KCNK5: variants seen among roughly 807,000 people sequenced by gnomAD.
KCNK5 encodes potassium two pore domain channel subfamily K member 5.
Under a neutral mutation model 32.9 loss-of-function variants are expected in KCNK5, and 18 were observed. The ratio of observed to expected loss-of-function variants is 0.55; its 90% CI spans 0.38 to 0.81. The LOEUF (loss-of-function observed/expected upper bound fraction) is 0.81, where lower values mean the gene tolerates loss of function less well. KCNK5 is among the 30% of genes least tolerant of loss of function. The pLI is 0.00. For missense variants in KCNK5, 507 were observed against 651.0 expected (o/e 0.78, Z 2.41); for synonymous variants, 276 against 275.3 (o/e 1.00, Z -0.03).
intron 1 of KCNK5, among the ~76,000 whole-genome samples, chr6:39,197,451 C>T (rs79609095): frequency 0.019 from 2,941 of 152,328 alleles, 99 homozygotes; most frequent in African/African-American, 0.066. Flanking sequence ...GCTACGAAGG[C>T]TGTGCAGCAT....
chr6:39,215,880 G>T (rs1327829232), intron 1 of KCNK5, among the ~76,000 whole-genome samples: 4 of 152,182 alleles, frequency 2.6e-5, no homozygotes, highest in Non-Finnish European at 5.9e-5. Context: ...CAAAAGTCAG[G>T]GGCCTCTTAG....
chr6:39,221,131 C>A (rs563583645), intron 1 of KCNK5, among the ~76,000 whole-genome samples: 1 of 152,180 alleles, frequency 6.6e-6, no homozygotes, highest in Non-Finnish European at 1.5e-5. Context: ...TAGCCTCAGA[C>A]AAGTTATTCA....
At chr6:39,211,406 CA>C (rs1771336030) in intron 1 of KCNK5, among the ~76,000 whole-genome samples, 1 of 152,174 alleles carries the variant, frequency 6.6e-6, no homozygotes, top group Non-Finnish European at 1.5e-5. Flanking sequence ...TCAGCTGGTC[CA>C]GGGGGTGCGC....
intron 1 of KCNK5, among the ~76,000 whole-genome samples, chr6:39,225,340 G>A (rs1184372461): frequency 6.6e-6 from 1 of 152,150 alleles, no homozygotes; most frequent in Non-Finnish European, 1.5e-5. Context: ...AGTTACACTG[G>A]CTTTTCCCCT....
Position 39,229,269 on chromosome 6 carries a change from G to C in KCNK5, c.-158C>G. The C allele has an allele frequency of 1.2e-6, 1 of 822,982 alleles. No homozygotes were observed. Among genetic ancestry groups the C allele is most frequent in the Non-Finnish European group, 1.9e-6 (1 of 539,766 alleles). 51.0% of individuals were successfully genotyped at this position (822,982 alleles called of 1,614,324 possible). ...CCGCAAGCACCGCTCCCCGGACAGA[G>C]TTGCTTGGCCAAGTTGGCCCACGGA... On this transcript the variant is annotated 5_prime_UTR_variant, in exon 1 of 5. Transcript: ENST00000359534.
chr6:39,206,569 C>G lies in KCNK5; in HGVS notation c.187-10582G>C, dbSNP rs557990930. On this transcript the variant is annotated intron_variant, in intron 1 of 4. Coordinates refer to ENST00000359534, the MANE Select transcript of KCNK5 (RefSeq NM_003740.4). The stretch of plus-strand genomic sequence containing the variant: ...CAGTTCCCGGGCCGCCCAGCTGCCC[C>G]TCGCGTGCTGGCCTGCTTCCTGTCC... Among the ~76,000 whole-genome samples the G allele has an allele frequency of 1.4e-4, 22 of 152,324 alleles. No individual in the cohort carries two copies. The South Asian group carries it at 4.4e-3, about 30-fold the overall frequency.
Position 39,229,232 on chromosome 6 carries a change from G to T in KCNK5, c.-121C>A. On this transcript the variant is annotated 5_prime_UTR_variant, in exon 1 of 5. Coordinates refer to ENST00000359534, the MANE Select transcript of KCNK5 (RefSeq NM_003740.4). ...TTGGAGCTCCGCATGCGCAGTGCCC[G>T]GTACTCACCCCCCGCAAGCACCGCT... The T allele has an allele frequency of 7.2e-6, 7 of 977,480 alleles. No individual in the cohort carries two copies. Among genetic ancestry groups the T allele is most frequent in the Non-Finnish European group, 1.0e-5 (7 of 668,922 alleles). 60.6% of individuals were successfully genotyped at this position (977,480 alleles called of 1,614,324 possible).
intron 1 of KCNK5, among the ~76,000 whole-genome samples, chr6:39,206,862 G>A (rs1771234326): frequency 6.6e-6 from 1 of 152,138 alleles, no homozygotes; most frequent in Non-Finnish European, 1.5e-5. Flanking sequence ...ATGATGAACA[G>A]CTCAGTGCTG....
At chr6:39,223,083 C>A (rs1235774453) in intron 1 of KCNK5, among the ~76,000 whole-genome samples, 1 of 152,222 alleles carries the variant, frequency 6.6e-6, no homozygotes, top group Non-Finnish European at 1.5e-5. Context: ...TCTAGGAAGA[C>A]CTTCCTGATT....
intron 1 of KCNK5, among the ~76,000 whole-genome samples, chr6:39,223,170 G>A (rs546834048): frequency 6.6e-6 from 1 of 152,300 alleles, no homozygotes; most frequent in African/African-American, 2.4e-5. Flanking sequence ...TCTGGGCATA[G>A]CAGAAATGGC....
intron 1 of KCNK5, among the ~76,000 whole-genome samples, chr6:39,217,121 A>AG: frequency 2.2e-5 from 1 of 45,256 alleles, no homozygotes; most frequent in African/African-American, 6.9e-5. Flanking sequence ...ACTCCATCAA[A>AG]AAAAAAAAAA....
At chr6:39,196,102 T>G in intron 1 of KCNK5, 115 bp from the exon 2 acceptor site, 1 of 633,956 alleles carries the variant, frequency 1.6e-6, no homozygotes, top group Non-Finnish European at 2.7e-6. Context: ...AAGAAGAAGG[T>G]GGCAGTGTCT....
intron 1 of KCNK5, among the ~76,000 whole-genome samples, chr6:39,208,403 ACG>A (rs931489274): frequency 2.6e-5 from 4 of 151,936 alleles, no homozygotes; most frequent in African/African-American, 9.7e-5. Flanking sequence ...TCATCCACCC[ACG>A]GCCTCTGAGC....
At chr6:39,221,140 C>T (rs1419750446) in intron 1 of KCNK5, among the ~76,000 whole-genome samples, 1 of 152,180 alleles carries the variant, frequency 6.6e-6, no homozygotes, top group Non-Finnish European at 1.5e-5. Context: ...ACAAGTTATT[C>T]AATCTCTATG....
At chr6:39,211,721 T>C (rs957701649) in intron 1 of KCNK5, among the ~76,000 whole-genome samples, 2 of 152,166 alleles carry the variant, frequency 1.3e-5, no homozygotes, top group African/African-American at 4.8e-5. Flanking sequence ...CCCAGCACTT[T>C]GGGAGGCCAA....
intron 1 of KCNK5, among the ~76,000 whole-genome samples, 192 bp downstream of exon 1, chr6:39,228,734 G>A (rs532548929): frequency 3.7e-4 from 56 of 152,240 alleles, no homozygotes; most frequent in Non-Finnish European, 3.7e-4. Context: ...CGCGCCTGGG[G>A]GACCCCTGTG....
intron 1 of KCNK5, among the ~76,000 whole-genome samples, chr6:39,224,862 T>C (rs1771623199): frequency 6.6e-6 from 1 of 151,784 alleles, no homozygotes; most frequent in South Asian, 2.1e-4. Context: ...GTTAGGAGTC[T>C]CTTCTCCCTT....
intron 1 of KCNK5, among the ~76,000 whole-genome samples, chr6:39,200,567 C>G (rs185159997): frequency 3.3e-5 from 5 of 152,268 alleles, no homozygotes; most frequent in African/African-American, 9.6e-5. Flanking sequence ...GTCCTAATTG[C>G]TGTTCTCCTA....
chr6:39,207,103 C>T (rs1031150786), intron 1 of KCNK5, among the ~76,000 whole-genome samples: 1 of 152,176 alleles, frequency 6.6e-6, no homozygotes, highest in African/African-American at 2.4e-5. Context: ...AGCAGTTCAC[C>T]CCCCTGTGCC....
Sources: allele counts gnomAD v4.1 joint callset (sites outside exome capture counted in the v4.1 genomes callset), GRCh38; gene constraint gnomAD v4.1.1; transcripts MANE v1.5; gene names NCBI Gene and HGNC (gene_info 2026-07-23, HGNC 2026-07-21).